The following ENG variants were observed in gnomAD, a reference collection of about 807,000 sequenced individuals.
ENG encodes endoglin.
In ENG, 17 loss-of-function variants were observed where a neutral mutation model predicts 71.0. The observed-to-expected ratio is 0.24, with a 90% confidence interval of 0.16 to 0.36. ENG has a LOEUF of 0.36. Among genes scored for constraint, ENG ranks in the 10% least tolerant of loss-of-function variants. ENG has a pLI of 1.00. For synonymous variants in ENG, 360 were observed against 366.9 expected, an observed-to-expected ratio of 0.98 and a Z score of 0.21; for missense variants, 749 against 868.3, an observed-to-expected ratio of 0.86 and a Z score of 1.73.
chr9:127,822,192 CAAT>C (rs1830484879), intron 8 of ENG: 1 of 152,214 alleles, frequency 6.6e-6, no homozygotes, highest in African/African-American at 2.4e-5. Context: ...TACCAAGCCT[CAAT>C]GATAAGGAGA....
Position 127,846,806 on chromosome 9 carries a change from G to T in ENG, c.68-3561C>A. On this transcript the variant is annotated intron_variant, in intron 1 of 14. Transcript: ENST00000373203. This position sits in a 1 kb window ranked among gnomAD's most constrained non-coding sequence, Gnocchi z 5.5. ...GGCCTCCCGGGACTGGGTCAGAGGAGGAGCCGCTGGGGGCCTGGGTGACTG... is the reference window on the plus strand; with the variant it reads ...GGCCTCCCGGGACTGGGTCAGAGGATGAGCCGCTGGGGGCCTGGGTGACTG... 1.1e-6 allele frequency: 1 copy of T among 941,006 alleles called. No individual in the cohort carries two copies. Among genetic ancestry groups the T allele is most frequent in the Non-Finnish European group, 1.3e-6 (1 of 789,514 alleles). 58.3% of individuals were successfully genotyped at this position (941,006 alleles called of 1,614,324 possible). A position where few individuals can be genotyped will look rare whatever the true frequency, so the allele number is the denominator to read the frequency against.
At chr9:127,852,393 G>A (rs1829050527) in intron 1 of ENG, among the ~76,000 whole-genome samples, 1 of 152,118 alleles carries the variant, frequency 6.6e-6, no homozygotes, top group Non-Finnish European at 1.5e-5. Context: ...TGGCTTCCAG[G>A]CCCTGGCCCC....
At chr9:127,824,581 C>T (rs1483185492) in intron 7 of ENG, 135 bp from the exon 8 acceptor site, 16 of 1,222,764 alleles carry the variant, frequency 1.3e-5, no homozygotes, top group African/African-American at 4.8e-5. Context: ...TGCAGTGGCA[C>T]GATCTTGGCT....
intron 8 of ENG, among the ~76,000 whole-genome samples, chr9:127,821,880 TAA>T (rs34166162): frequency 0.087 from 4,613 of 53,244 alleles, 126 homozygotes; most frequent in Non-Finnish European, 0.098. Context: ...GAGACTGTCT[TAA>T]AAAAAAAAAA....
rs139595680 is a variant in ENG, at chr9:127,844,409, G to A, written c.68-1164C>T. 6.4e-3 allele frequency among the ~76,000 whole-genome samples: 981 copies of A among 152,136 alleles called. 11 individuals carry two copies. Among genetic ancestry groups the A allele is most frequent in the African/African-American group, 0.022 (902 of 41,472 alleles). ...CCCAAAGTGCTAGGATTACAGGCAT[G>A]AGCCACTGCGCCTGGCCTATTTTTT... On this transcript the variant is annotated intron_variant, in intron 1 of 14. Coordinates refer to ENST00000373203, the MANE Select transcript of ENG (RefSeq NM_001114753.3).
At chr9:127,848,986 T>C (rs1293252567) in intron 1 of ENG, among the ~76,000 whole-genome samples, 1 of 152,198 alleles carries the variant, frequency 6.6e-6, no homozygotes, top group African/African-American at 2.4e-5. Flanking sequence ...TCTGTTCCCC[T>C]GGTCACCTGC....
At chr9:127,847,514 G>C (rs537953300) in intron 1 of ENG, among the ~76,000 whole-genome samples, 2 of 152,018 alleles carry the variant, frequency 1.3e-5, no homozygotes, top group African/African-American at 4.8e-5. Context: ...CCAGAGTACA[G>C]TGTCTCGATC....
intron 11 of ENG, 32 bp downstream of exon 11, chr9:127,818,684 G>A (rs751310119): frequency 3.1e-6 from 5 of 1,605,592 alleles, no homozygotes; most frequent in Non-Finnish European, 4.3e-6. Context: ...CAGGAGCTGG[G>A]AGGCCCGAGG....
At position 127,819,629 on chromosome 9, in the gene ENG, G is replaced by A; in HGVS notation, c.1304C>T (p.Pro435Leu). ...AVVNILSSSS[P>L]QRKKVHCLNM... ...CGTGACTGTCCATCTCACCCGCTGT[G>A]GTGATGAGCTCGACAGGATATTGAC... is the stretch of plus-strand genomic sequence containing the variant. Residue 435 changes from proline to leucine, a missense_variant, in exon 10 of 15, where the codon CCA becomes CTA. Physicochemically the swap from Pro to Leu is moderately conservative, Grantham distance 98. Coordinates refer to ENST00000373203, the MANE Select transcript of ENG (RefSeq NM_001114753.3). 1 of 1,613,088 alleles carries A rather than the reference G, an allele frequency of 6.2e-7. No individual in the cohort carries two copies. Among genetic ancestry groups the A allele is most frequent in the Non-Finnish European group, 8.5e-7 (1 of 1,179,700 alleles).
In ENG at chr9:127,836,783, G is replaced by A. The variant is rs1830912023; in HGVS notation, c.219+6311C>T. Among the ~76,000 whole-genome samples the A allele has an allele frequency of 6.6e-6, 1 of 152,170 alleles. No homozygotes were observed. The highest frequency in any genetic ancestry group is 2.4e-5 in the African/African-American group (1 of 41,434). ...TTGTCCAGTGCCCAGCTAAACATGT[G>A]GGAGTAGTTTGGCTTTTTTTTTGAG... On this transcript the variant is annotated intron_variant, in intron 2 of 14. Coordinates refer to ENST00000373203, the MANE Select transcript of ENG (RefSeq NM_001114753.3). The surrounding 1 kb of genome is among the most constrained non-coding windows in gnomAD (Gnocchi z 4.0).
chr9:127,836,574 A>G lies in ENG; in HGVS notation c.219+6520T>C, dbSNP rs572105008. ...CCCCAGAAAACTCAGATGGTCCTAC[A>G]GGCAGGGTGGCAGGGGAAAGGATCA... On this transcript the variant is annotated intron_variant, in intron 2 of 14. Coordinates refer to ENST00000373203, the MANE Select transcript of ENG (RefSeq NM_001114753.3). The surrounding 1 kb of genome is among the most constrained non-coding windows in gnomAD (Gnocchi z 4.0). Among the ~76,000 whole-genome samples the G allele has an allele frequency of 6.6e-6, 1 of 152,336 alleles. No homozygotes were observed. Among genetic ancestry groups the G allele is most frequent in the East Asian group, 1.9e-4 (1 of 5,194 alleles).
intron 3 of ENG, 68 bp downstream of exon 3, chr9:127,829,619 A>G: frequency 6.2e-7 from 1 of 1,601,502 alleles, no homozygotes; most frequent in Non-Finnish European, 8.5e-7. Context: ...ACCCTGACCC[A>G]CAGAGATGGA....
intron 4 of ENG, among the ~76,000 whole-genome samples, 182 bp from the exon 5 acceptor site, chr9:127,826,042 G>GCAGGAGGC (rs1465793343): frequency 2.0e-5 from 3 of 152,198 alleles, no homozygotes; most frequent in African/African-American, 7.2e-5. Context: ...GTGACCCTGT[G>GCAGGAGGC]CAAGTCCCCG....
At chr9:127,845,660 C>T (rs1831152257) in intron 1 of ENG, among the ~76,000 whole-genome samples, 1 of 152,224 alleles carries the variant, frequency 6.6e-6, no homozygotes, top group African/African-American at 2.4e-5. Context: ...ACAGAGGTGG[C>T]TGGGAGGACT....
chr9:127,854,035 T>C lies in ENG; in HGVS notation c.67+254A>G, dbSNP rs143016113. Among the ~76,000 whole-genome samples the C allele has an allele frequency of 0.011, 1,657 of 152,296 alleles. 33 individuals carry two copies. Among genetic ancestry groups the C allele is most frequent in the African/African-American group, 0.037 (1,558 of 41,552 alleles). ...TTCCCGGGGAGTAATGGAACGCAGC[T>C]GGGTGAGCAGACGCCAGAGACCAGG... On this transcript the variant is annotated intron_variant, in intron 1 of 14. Coordinates refer to ENST00000373203, the MANE Select transcript of ENG (RefSeq NM_001114753.3).
Position 127,838,559 on chromosome 9 carries a change from G to A in ENG, c.219+4535C>T, listed in dbSNP as rs1456799938. Among the ~76,000 whole-genome samples the A allele has an allele frequency of 6.6e-6, 1 of 152,188 alleles. No homozygotes were observed. The highest frequency in any genetic ancestry group is 1.9e-4 in the East Asian group (1 of 5,190). ...TGCTGGGGCCTGACAGGCTGTGTCTGTTCAGGGGTGGGTGGGGTCTCAGCT... is the reference window on the plus strand; with the variant it reads ...TGCTGGGGCCTGACAGGCTGTGTCTATTCAGGGGTGGGTGGGGTCTCAGCT... On this transcript the variant is annotated intron_variant, in intron 2 of 14. Transcript: ENST00000373203. The surrounding 1 kb of genome is among the most constrained non-coding windows in gnomAD (Gnocchi z 4.3).
Position 127,818,340 on chromosome 9 carries a change from T to C in ENG, c.1466A>G (p.Gln489Arg), listed in dbSNP as rs1830385133. 1 of 1,613,884 alleles carries C rather than the reference T, an allele frequency of 6.2e-7. No individual in the cohort carries two copies. Among genetic ancestry groups the C allele is most frequent in the South Asian group, 1.1e-5 (1 of 91,088 alleles). ...CAAGTCCAGGTGGCAGCTGTCTAAC[T>C]GGAGCAGGAACTCGGAGACGGATGG... The part of the protein sequence containing the change: ...VSPSVSEFLL[Q>R]LDSCHLDLGP... The change falls in exon 12 of 15, where the codon CAG becomes CGG. Residue 489 changes from glutamine (Q) to arginine (R), a missense_variant. Coordinates refer to ENST00000373203, the MANE Select transcript of ENG (RefSeq NM_001114753.3).
intron 10 of ENG, chr9:127,819,184 G>A (rs1338058952): frequency 3.9e-5 from 13 of 333,348 alleles, no homozygotes; most frequent in South Asian, 1.6e-4. Flanking sequence ...TGATCTGCCC[G>A]CCTCGGCCTC....
At chr9:127,823,610 G>T (rs1471273600) in intron 8 of ENG, among the ~76,000 whole-genome samples, 3 of 149,192 alleles carry the variant, frequency 2.0e-5, no homozygotes, top group South Asian at 2.1e-4. Flanking sequence ...GGATGGTCTC[G>T]ATCTCCTGAC....
Sources: allele counts gnomAD v4.1 joint callset (sites outside exome capture counted in the v4.1 genomes callset), GRCh38; gene constraint gnomAD v4.1.1; non-coding constraint Gnocchi (gnomAD v3.1); transcripts MANE v1.5; gene names NCBI Gene and HGNC (gene_info 2026-07-23, HGNC 2026-07-21).